The following FBXO4 variants were observed in gnomAD, a reference collection of about 807,000 sequenced individuals.
FBXO4 encodes F-box protein 4, also known as F-box only protein 4.
Under a neutral mutation model 43.7 loss-of-function variants are expected in FBXO4, and 36 were observed. That is an observed-to-expected ratio of 0.82 (90% CI 0.63 to 1.09). FBXO4 has a LOEUF of 1.09. Among genes scored for constraint, FBXO4 ranks in the 50% least tolerant of loss-of-function variants. FBXO4 has a pLI of 0.00. For synonymous variants in FBXO4, 180 were observed against 165.6 expected (o/e 1.09, Z -0.67); for missense variants, 435 against 474.1 (o/e 0.92, Z 0.77).
At chr5:41,927,370 C>A in intron 2 of FBXO4, 122 bp downstream of exon 2, 1 of 680,572 alleles carries the variant, frequency 1.5e-6, no homozygotes, top group Non-Finnish European at 2.4e-6. Context: ...TCTAATTGTT[C>A]TCGTCAAAAC....
intron 6 of FBXO4, 26 bp downstream of exon 6, chr5:41,939,642 A>G (rs748494197): frequency 2.6e-6 from 4 of 1,538,840 alleles, no homozygotes; most frequent in Non-Finnish European, 3.5e-6. Context: ...CTCTAGTGAC[A>G]AAAATTTTAT....
chr5:41,994,828 C>T, the FBXO4 span, among the ~76,000 whole-genome samples: 15 of 152,056 alleles, frequency 9.9e-5, no homozygotes, highest in African/African-American at 3.4e-4. Context: ...ACCTCTAGGC[C>T]GTCAGAATGT....
At chr5:42,006,847 T>G in the FBXO4 span, among the ~76,000 whole-genome samples, 20 of 138,910 alleles carry the variant, frequency 1.4e-4, no homozygotes, top group African/African-American at 3.8e-4. Flanking sequence ...ATAAAACATT[T>G]GCAAAATGGA....
the FBXO4 span, among the ~76,000 whole-genome samples, chr5:41,998,923 G>A: frequency 6.6e-6 from 1 of 152,114 alleles, no homozygotes; most frequent in African/African-American, 2.4e-5. Flanking sequence ...GAAGCCGGAA[G>A]TTAGAATCCG....
chr5:41,985,895 T>C, the FBXO4 span, among the ~76,000 whole-genome samples: 1 of 152,128 alleles, frequency 6.6e-6, no homozygotes, highest in Admixed American at 6.5e-5. Context: ...AGCCATTAGC[T>C]GTTCCTTAGT....
the FBXO4 span, among the ~76,000 whole-genome samples, chr5:42,034,192 C>A: frequency 3.3e-5 from 5 of 151,798 alleles, no homozygotes; most frequent in Non-Finnish European, 7.4e-5. Flanking sequence ...ATATCCTTTG[C>A]CTGCTTTGTG....
the FBXO4 span, among the ~76,000 whole-genome samples, chr5:42,014,232 C>T: frequency 6.6e-6 from 1 of 152,084 alleles, no homozygotes; most frequent in African/African-American, 2.4e-5. Flanking sequence ...TAAAAATCTG[C>T]AGAAAATTAA....
the FBXO4 span, among the ~76,000 whole-genome samples, chr5:41,985,082 A>G: frequency 4.6e-5 from 7 of 152,170 alleles, no homozygotes; most frequent in African/African-American, 1.7e-4. Context: ...CTTTACAAAT[A>G]TCCCTGCATT....
intron 5 of FBXO4, among the ~76,000 whole-genome samples, chr5:41,937,562 G>A (rs915829737): frequency 2.6e-5 from 4 of 152,160 alleles, no homozygotes; most frequent in Admixed American, 2.6e-4. Context: ...CATCTGAATG[G>A]TACTGTGATT....
At chr5:42,039,376 C>A in the FBXO4 span, among the ~76,000 whole-genome samples, 210 of 152,138 alleles carry the variant, frequency 1.4e-3, no homozygotes, top group African/African-American at 4.7e-3. Context: ...ATCGGGCAAC[C>A]TGTTCCCACT....
At chr5:41,942,157 C>A (rs989731775), downstream of FBXO4, among the ~76,000 whole-genome samples, 2 of 151,904 alleles carry the variant, frequency 1.3e-5, no homozygotes, top group African/African-American at 4.8e-5. Flanking sequence ...TGTATTTAGT[C>A]TCTTTTAGGT....
the FBXO4 span, among the ~76,000 whole-genome samples, chr5:41,954,800 C>T: frequency 6.6e-6 from 1 of 152,138 alleles, no homozygotes; most frequent in Non-Finnish European, 1.5e-5. Flanking sequence ...AAATTAATTA[C>T]AGTTGTTAAT....
chr5:41,963,187 C>CAT, the FBXO4 span, among the ~76,000 whole-genome samples: 3 of 151,744 alleles, frequency 2.0e-5, no homozygotes, highest in Non-Finnish European at 4.4e-5. Flanking sequence ...TATACACACA[C>CAT]ATATATAATA....
At chr5:41,979,070 G>A in the FBXO4 span, among the ~76,000 whole-genome samples, 30 of 152,286 alleles carry the variant, frequency 2.0e-4, 1 homozygote, top group South Asian at 6.0e-3. Context: ...GAGCATTAAT[G>A]TTTTGCAATA....
At chr5:41,995,728 G>A in the FBXO4 span, among the ~76,000 whole-genome samples, 1 of 152,300 alleles carries the variant, frequency 6.6e-6, no homozygotes, top group African/African-American at 2.4e-5. Context: ...CACTCAGAGA[G>A]GTCTATCCAC....
At chr5:41,965,010 GT>G in the FBXO4 span, among the ~76,000 whole-genome samples, 1 of 152,256 alleles carries the variant, frequency 6.6e-6, no homozygotes, top group Admixed American at 6.5e-5. Context: ...GGTTTTTATG[GT>G]TTTAGGTCTA....
At chr5:42,010,220 G>C in the FBXO4 span, among the ~76,000 whole-genome samples, 18,944 of 151,950 alleles carry the variant, frequency 0.12, 1,783 homozygotes, top group African/African-American at 0.26. Flanking sequence ...TCTTTTCTGG[G>C]CAGGTGCGGT....
chr5:41,935,186 T>A (rs760517183), intron 5 of FBXO4: 1 of 953,272 alleles, frequency 1.0e-6, no homozygotes, highest in Non-Finnish European at 1.2e-6. Flanking sequence ...TTTTATCTAG[T>A]TTTCCAATCT....
At chr5:41,992,064 G>A in the FBXO4 span, among the ~76,000 whole-genome samples, 5 of 152,196 alleles carry the variant, frequency 3.3e-5, no homozygotes, top group Middle Eastern at 3.4e-3. Context: ...AGCAACAGGA[G>A]CAAAAATCGG....
Sources: allele counts gnomAD v4.1 joint callset (sites outside exome capture counted in the v4.1 genomes callset), GRCh38; gene constraint gnomAD v4.1.1; transcripts MANE v1.5; gene names NCBI Gene and HGNC (gene_info 2026-07-23, HGNC 2026-07-21).